The following HPSE2 variants were observed in gnomAD, a reference collection of about 807,000 sequenced individuals.
The protein encoded by HPSE2 is inactive heparanase-2.
Under a neutral mutation model 60.5 loss-of-function variants are expected in HPSE2, and 38 were observed. The ratio of observed to expected loss-of-function variants is 0.63; its 90% CI spans 0.48 to 0.82. The LOEUF is 0.82. Ranked by LOEUF, HPSE2 falls within the 40% of genes least tolerant of loss-of-function variation. HPSE2 has a pLI of 0.00. For missense variants in HPSE2, 713 were observed against 740.4 expected (o/e 0.96, Z 0.43); for synonymous variants, 295 against 293.2 (o/e 1.01, Z -0.06).
chr10:98,704,139 A>T (rs1948483341), intron 5 of HPSE2, among the ~76,000 whole-genome samples: 1 of 152,206 alleles, frequency 6.6e-6, no homozygotes, highest in South Asian at 2.1e-4. Flanking sequence ...CAGCCAAATC[A>T]TGAATGAACT....
chr10:98,883,123 A>T (rs1953072363), intron 3 of HPSE2, among the ~76,000 whole-genome samples: 1 of 152,218 alleles, frequency 6.6e-6, no homozygotes, highest in Non-Finnish European at 1.5e-5. Context: ...GAGAGACAAG[A>T]TTTGTTTTAT....
chr10:98,746,923 A>T (rs1949643830), intron 3 of HPSE2, among the ~76,000 whole-genome samples: 1 of 152,050 alleles, frequency 6.6e-6, no homozygotes, highest in Non-Finnish European at 1.5e-5. Flanking sequence ...ACAGATTCTA[A>T]GGAAAATATA....
intron 3 of HPSE2, among the ~76,000 whole-genome samples, chr10:99,117,160 C>T (rs866084385): frequency 6.6e-6 from 1 of 151,130 alleles, no homozygotes; most frequent in Non-Finnish European, 1.5e-5. Context: ...AAAACCAATA[C>T]CCCAATTTAA....
intron 3 of HPSE2, among the ~76,000 whole-genome samples, chr10:99,080,218 T>A (rs1373284366): frequency 1.3e-5 from 2 of 152,000 alleles, no homozygotes; most frequent in African/African-American, 4.8e-5. Flanking sequence ...TTTAAAAAAA[T>A]TCTGTTTGAG....
chr10:98,536,871 G>A (rs1348434550), intron 9 of HPSE2, among the ~76,000 whole-genome samples: 1 of 152,092 alleles, frequency 6.6e-6, no homozygotes, highest in Non-Finnish European at 1.5e-5. Context: ...TTTGGCTGGA[G>A]AACAGAGCGC....
intron 1 of HPSE2, among the ~76,000 whole-genome samples, chr10:99,234,594 C>T (rs931682906): frequency 7.2e-5 from 11 of 152,154 alleles, no homozygotes; most frequent in African/African-American, 2.7e-4. Context: ...GAAGGGATCG[C>T]AGTTGCCTAA....
At chr10:99,283,365 G>A in the HPSE2 span, among the ~76,000 whole-genome samples, 1 of 151,794 alleles carries the variant, frequency 6.6e-6, no homozygotes, top group Non-Finnish European at 1.5e-5. Context: ...CAGGCTGGCT[G>A]CAGTGGCTCA....
intron 11 of HPSE2, 77 bp downstream of exon 11, chr10:98,482,559 A>G (rs1941281100): frequency 3.8e-6 from 6 of 1,570,436 alleles, no homozygotes; most frequent in Non-Finnish European, 5.3e-6. Flanking sequence ...ATTAGCAGCA[A>G]CCTTGGTGTC....
At chr10:98,800,361 C>G (rs965043128) in intron 3 of HPSE2, among the ~76,000 whole-genome samples, 1 of 148,372 alleles carries the variant, frequency 6.7e-6, no homozygotes, top group Non-Finnish European at 1.5e-5. Context: ...GAGTGAGACC[C>G]TATCTCAAAA....
chr10:98,969,803 T>C (rs529225331), intron 3 of HPSE2, among the ~76,000 whole-genome samples: 2 of 152,274 alleles, frequency 1.3e-5, no homozygotes, highest in Admixed American at 6.5e-5. Context: ...AGAGGTTTAA[T>C]TGGCTCATAG....
chr10:99,136,776 C>T (rs1270706553), intron 3 of HPSE2, among the ~76,000 whole-genome samples: 2 of 152,152 alleles, frequency 1.3e-5, no homozygotes, highest in African/African-American at 2.4e-5. Flanking sequence ...AAATCCACAA[C>T]CAATATCATA....
At chr10:98,903,392 C>T (rs1050359601) in intron 3 of HPSE2, among the ~76,000 whole-genome samples, 1 of 151,944 alleles carries the variant, frequency 6.6e-6, no homozygotes, top group Non-Finnish European at 1.5e-5. Flanking sequence ...TTGAATTGTA[C>T]ACTTTAAATG....
chr10:98,722,045 G>T (rs1477098808), intron 4 of HPSE2, among the ~76,000 whole-genome samples: 7 of 151,398 alleles, frequency 4.6e-5, no homozygotes, highest in Admixed American at 4.6e-4. Context: ...TTCACAAAAA[G>T]ATAACCTAAT....
intron 11 of HPSE2, among the ~76,000 whole-genome samples, chr10:98,466,122 C>A (rs1183061041): frequency 2.0e-5 from 3 of 152,182 alleles, no homozygotes; most frequent in Non-Finnish European, 4.4e-5. Flanking sequence ...TTCAACTGTT[C>A]TGAGGTGTCA....
chr10:98,630,501 T>G (rs1946340484), intron 7 of HPSE2, among the ~76,000 whole-genome samples: 1 of 151,992 alleles, frequency 6.6e-6, no homozygotes, highest in South Asian at 2.1e-4. Flanking sequence ...CCGGCCGTAA[T>G]AGTTTTTTTA....
At chr10:98,801,881 C>T (rs376660661) in intron 3 of HPSE2, among the ~76,000 whole-genome samples, 21 of 151,986 alleles carry the variant, frequency 1.4e-4, no homozygotes, top group African/African-American at 4.3e-4. Context: ...CCAGAATAGC[C>T]GAACCTACCC....
chr10:98,794,460 G>A (rs570229108), intron 3 of HPSE2, among the ~76,000 whole-genome samples: 43 of 152,228 alleles, frequency 2.8e-4, no homozygotes, highest in Middle Eastern at 3.4e-3. Flanking sequence ...GGCTAGGCTG[G>A]TCTTGAATTC....
At chr10:98,988,518 A>G (rs1429687895) in intron 3 of HPSE2, among the ~76,000 whole-genome samples, 8 of 151,710 alleles carry the variant, frequency 5.3e-5, no homozygotes, top group Non-Finnish European at 8.9e-5. Flanking sequence ...AGACTTAAAC[A>G]TTAGACCTAA....
At chr10:99,150,982 G>C (rs1001987534) in intron 2 of HPSE2, among the ~76,000 whole-genome samples, 1 of 152,042 alleles carries the variant, frequency 6.6e-6, no homozygotes. Context: ...TGCAGACTCA[G>C]AGGCAAACCC....
Sources: allele counts gnomAD v4.1 joint callset (sites outside exome capture counted in the v4.1 genomes callset), GRCh38; gene constraint gnomAD v4.1.1; transcripts MANE v1.5; gene names NCBI Gene and HGNC (gene_info 2026-07-23, HGNC 2026-07-21).